ZNF33A: variants seen among roughly 807,000 people sequenced by gnomAD.
The protein encoded by ZNF33A is zinc finger protein 33A, also known as brain my041 protein.
A neutral mutation model predicts 15.9 loss-of-function variants in ZNF33A; 9 were observed. That is an observed-to-expected ratio of 0.57 (90% confidence interval 0.34 to 0.99). The LOEUF (loss-of-function observed/expected upper bound fraction) is 0.99. Ranked by LOEUF, ZNF33A falls within the 50% of genes least tolerant of loss-of-function variation. The pLI is 0.02. For synonymous variants in ZNF33A, 294 were observed against 324.2 expected, an observed-to-expected ratio of 0.91 and a Z score of 1.00; for missense variants, 843 against 941.6, an observed-to-expected ratio of 0.90 and a Z score of 1.37.
At chr10:38,066,675 C>T (rs1171265865), downstream of ZNF33A, among the ~76,000 whole-genome samples, 1 of 152,132 alleles carries the variant, frequency 6.6e-6, no homozygotes, top group African/African-American at 2.4e-5. Flanking sequence ...TGGCTCACTC[C>T]TGTAACCCCA....
downstream of ZNF33A, among the ~76,000 whole-genome samples, chr10:38,066,011 G>C (rs1163770204): frequency 1.3e-5 from 2 of 152,034 alleles, no homozygotes; most frequent in Non-Finnish European, 2.9e-5. Context: ...CTTTCATTCT[G>C]GGATTTGATG....
chr10:38,012,203 C>T, intron 1 of ZNF33A, 95 bp from the exon 2 acceptor site: 3 of 1,244,298 alleles, frequency 2.4e-6, no homozygotes, highest in Non-Finnish European at 3.4e-6. Context: ...AGCATTTTAC[C>T]TAGTGGGTGT....
intron 1 of ZNF33A, among the ~76,000 whole-genome samples, chr10:38,011,185 C>T (rs1285982206): frequency 1.3e-5 from 2 of 152,240 alleles, no homozygotes; most frequent in Non-Finnish European, 2.9e-5. Flanking sequence ...TGCATTCATC[C>T]TCTTTAGGTT....
intron 4 of ZNF33A, among the ~76,000 whole-genome samples, chr10:38,024,179 A>G (rs1590517100): frequency 6.6e-6 from 1 of 151,196 alleles, no homozygotes; most frequent in South Asian, 2.1e-4. Flanking sequence ...AAAAAAAAAA[A>G]AAGAAAAAAT....
chr10:38,042,274 C>T (rs1000236182), intron 4 of ZNF33A, among the ~76,000 whole-genome samples: 9 of 151,916 alleles, frequency 5.9e-5, no homozygotes, highest in Admixed American at 3.9e-4. Context: ...AACCTCCTGC[C>T]TCCTGGGTTC....
chr10:38,029,838 GAACA>G (rs750126398), intron 4 of ZNF33A, among the ~76,000 whole-genome samples: 1 of 152,108 alleles, frequency 6.6e-6, no homozygotes, highest in Non-Finnish European at 1.5e-5. Context: ...AATGAAAAAT[GAACA>G]AAACCTTGGG....
chr10:38,030,578 A>G (rs1326474376), intron 4 of ZNF33A, among the ~76,000 whole-genome samples: 1 of 152,162 alleles, frequency 6.6e-6, no homozygotes, highest in Non-Finnish European at 1.5e-5. Flanking sequence ...AATGATATTA[A>G]GAGTGTAAAA....
At chr10:38,012,807 C>G (rs1564829059) in intron 2 of ZNF33A, among the ~76,000 whole-genome samples, 1 of 152,106 alleles carries the variant, frequency 6.6e-6, no homozygotes, top group Non-Finnish European at 1.5e-5. Flanking sequence ...AGTAACAGAT[C>G]AATAGCAGGG....
Position 38,055,177 on chromosome 10 carries a change from C to G in ZNF33A, c.1053C>G (p.His351Gln). Residue 351 changes from histidine to glutamine, a missense_variant, in exon 5 of 5, where the codon CAC becomes CAG. By Grantham distance (24) the His-to-Gln change is conservative (BLOSUM62 0). Transcript: ENST00000432900. Reference sequence around the variant, plus strand: ...ATCTCACTCGACATCAGAGGGTGCACACAGGACAGAAACCCTTTCAATGTA... The same window carrying G: ...ATCTCACTCGACATCAGAGGGTGCAGACAGGACAGAAACCCTTTCAATGTA... ...KSHLTRHQRV[H>Q]TGQKPFQCNE... The G allele has an allele frequency of 6.2e-7, 1 of 1,614,090 alleles. No individual in the cohort carries two copies. The highest frequency in any genetic ancestry group is 1.1e-5 in the South Asian group (1 of 91,066).
chr10:38,062,249 ACTT>A (rs1435166695), downstream of ZNF33A, among the ~76,000 whole-genome samples: 2 of 152,006 alleles, frequency 1.3e-5, no homozygotes, highest in Non-Finnish European at 2.9e-5. Context: ...TTCATCTTGG[ACTT>A]CCCTGCCTCC....
intron 4 of ZNF33A, among the ~76,000 whole-genome samples, chr10:38,040,997 T>C (rs1425481692): frequency 6.6e-6 from 1 of 152,222 alleles, no homozygotes; most frequent in East Asian, 1.9e-4. Flanking sequence ...AGGATGTAAC[T>C]TGATCGTAAG....
At chr10:38,043,867 T>C (rs1406681580) in intron 4 of ZNF33A, 1 of 151,910 alleles carries the variant, frequency 6.6e-6, no homozygotes, top group Non-Finnish European at 1.5e-5. Flanking sequence ...TCTTTTTTTT[T>C]TTTTTTGTTT....
intron 4 of ZNF33A, among the ~76,000 whole-genome samples, chr10:38,036,134 CAG>C (rs1353848204): frequency 2.6e-5 from 4 of 152,158 alleles, no homozygotes; most frequent in East Asian, 3.9e-4. Context: ...CAAGGCTGGT[CAG>C]AGTTTGGAAA....
chr10:38,056,853 C>G lies in ZNF33A; in HGVS notation c.*293C>G. ...GACAAGTTATGTTTTGAGTTTGATG[C>G]CATAATAGTTTTTAGGGCACCTAAC... On this transcript the variant is annotated 3_prime_UTR_variant, in exon 5 of 5. Transcript: ENST00000432900. 6 of 1,076,052 alleles carry G rather than the reference C, an allele frequency of 5.6e-6. No homozygotes were observed. Among genetic ancestry groups the G allele is most frequent in the Non-Finnish European group, 6.8e-6 (6 of 887,456 alleles). 66.7% of individuals were successfully genotyped at this position (1,076,052 alleles called of 1,614,324 possible).
chr10:38,023,422 G>C (rs537660839), intron 4 of ZNF33A, among the ~76,000 whole-genome samples: 1 of 152,222 alleles, frequency 6.6e-6, no homozygotes, highest in South Asian at 2.1e-4. Context: ...TAATAACCAA[G>C]TGGGATTTAT....
chr10:38,021,435 ATT>A (rs2064741765), intron 4 of ZNF33A, among the ~76,000 whole-genome samples: 1 of 149,686 alleles, frequency 6.7e-6, no homozygotes, highest in African/African-American at 2.5e-5. Flanking sequence ...GAGGTCAGGA[ATT>A]CAAGAGTAGC....
intron 4 of ZNF33A, among the ~76,000 whole-genome samples, chr10:38,034,275 C>T (rs1353260962): frequency 6.6e-6 from 1 of 152,134 alleles, no homozygotes; most frequent in East Asian, 1.9e-4. Flanking sequence ...TTCTTTGTTC[C>T]AGGATCCCTT....
chr10:38,016,973 A>G lies in ZNF33A; in HGVS notation c.112A>G (p.Arg38Gly), dbSNP rs2064478522. The G allele has an allele frequency of 6.8e-6, 11 of 1,611,552 alleles. No homozygotes were observed. The highest frequency in any genetic ancestry group is 9.3e-6 in the Non-Finnish European group (11 of 1,178,952). ...GGACCCTAGTCAGAGGGCTCTGTAT[A>G]GAGATGTGATGCTGGAGAACTACAG... ...HLDPSQRALY[R>G]DVMLENYSNL... The change falls in exon 3 of 5, where the codon AGA (arginine) becomes GGA (glycine). Residue 38 changes from arginine to glycine, a missense_variant. Coordinates refer to ENST00000432900, the MANE Select transcript of ZNF33A (RefSeq NM_006954.2).
At chr10:38,040,244 T>G (rs2065635546) in intron 4 of ZNF33A, among the ~76,000 whole-genome samples, 1 of 152,148 alleles carries the variant, frequency 6.6e-6, no homozygotes, top group South Asian at 2.1e-4. Context: ...GAATGTTTCA[T>G]GTGTACTTTT....
Sources: gnomAD v4.1 joint callset for allele counts (sites outside exome capture counted in the v4.1 genomes callset) on GRCh38, gnomAD v4.1.1 for gene constraint, MANE v1.5 for transcripts, NCBI Gene and HGNC (gene_info 2026-07-23, HGNC 2026-07-21) for gene names.